CASZ1: variants seen among roughly 807,000 people sequenced by gnomAD.
CASZ1 encodes the protein castor zinc finger 1, also known as zinc finger protein castor homolog 1.
In CASZ1, 28 loss-of-function variants were observed where a neutral mutation model predicts 135.2. The observed-to-expected ratio is 0.21, with a 90% CI of 0.15 to 0.28. The LOEUF is 0.28. Ranked by LOEUF, CASZ1 falls within the 10% of genes least tolerant of loss-of-function variation. CASZ1 has a pLI of 1.00. For synonymous variants in CASZ1, 1,068 were observed against 1,073.4 expected (o/e 0.99, Z 0.10); for missense variants, 2,161 against 2,453.3 (o/e 0.88, Z 2.52).
At chr1:10,675,792 A>ACCCCCCCCCCCCCCCCCCC (rs373360825) in intron 4 of CASZ1, among the ~76,000 whole-genome samples, 1 of 106,492 alleles carries the variant, frequency 9.4e-6, no homozygotes, top group Non-Finnish European at 2.1e-5. Context: ...CTAGCACATG[A>ACCCCCCCCCCCCCCCCCCC]CCCCCCCCCC....
intron 4 of CASZ1, among the ~76,000 whole-genome samples, chr1:10,691,116 T>A (rs1461728987): frequency 6.7e-5 from 10 of 150,362 alleles, no homozygotes; most frequent in East Asian, 1.9e-4. Context: ...CTTTTTTTTT[T>A]ATTAGCATTT....
At position 10,709,341 on chromosome 1, in the gene CASZ1, C is replaced by T. The variant is rs1639237946; in HGVS notation, c.-76-3797G>A. Reference sequence around the variant, plus strand: ...TCCTCACGCACAGCCTCTCCCTGGCCAGCCCTTTCACAGGGGCTGGGGCCA... The same window carrying T: ...TCCTCACGCACAGCCTCTCCCTGGCTAGCCCTTTCACAGGGGCTGGGGCCA... On this transcript the variant is annotated intron_variant, in intron 2 of 20. Coordinates refer to ENST00000377022, the MANE Select transcript of CASZ1 (RefSeq NM_001079843.3). This position sits in a 1 kb window ranked among gnomAD's most constrained non-coding sequence, Gnocchi z 5.1. Among the ~76,000 whole-genome samples the T allele has an allele frequency of 6.6e-6, 1 of 152,148 alleles. No individual in the cohort carries two copies. Among genetic ancestry groups the T allele is most frequent in the African/African-American group, 2.4e-5 (1 of 41,434 alleles).
At chr1:10,681,369 T>C (rs474404) in intron 4 of CASZ1, among the ~76,000 whole-genome samples, 66,331 of 151,886 alleles carry the variant, frequency 0.44, 15,267 homozygotes, top group Non-Finnish European at 0.48. Flanking sequence ...CTACTCCACC[T>C]GCCAGCCAGC....
intron 1 of CASZ1, among the ~76,000 whole-genome samples, chr1:10,775,904 A>C (rs902973496): frequency 1.3e-5 from 2 of 152,006 alleles, no homozygotes; most frequent in Non-Finnish European, 2.9e-5. Flanking sequence ...GTCCCACCCA[A>C]TCAGGCCCCC....
At chr1:10,723,666 G>T (rs1168155026) in intron 2 of CASZ1, among the ~76,000 whole-genome samples, 1 of 152,208 alleles carries the variant, frequency 6.6e-6, no homozygotes, top group Non-Finnish European at 1.5e-5. Context: ...ACCCTCCAGG[G>T]CATCAAATCA....
Position 10,776,027 on chromosome 1 carries a change from C to T in CASZ1, c.-233-15170G>A, listed in dbSNP as rs1412306574. 6.6e-6 allele frequency among the ~76,000 whole-genome samples: 1 copy of T among 152,250 alleles called. No homozygotes were observed. Among genetic ancestry groups the T allele is most frequent in the Non-Finnish European group, 1.5e-5 (1 of 68,046 alleles). On this transcript the variant is annotated intron_variant, in intron 1 of 20. Transcript: ENST00000377022. This position sits in a 1 kb window ranked among gnomAD's most constrained non-coding sequence, Gnocchi z 4.1. Reference sequence around the variant, plus strand: ...CCCAAGTCCCCATCAGTGGGGTCTGCTCGGTCCCTGTAGCTAATTTACACC... The same window carrying T: ...CCCAAGTCCCCATCAGTGGGGTCTGTTCGGTCCCTGTAGCTAATTTACACC...
Position 10,657,717 on chromosome 1 carries a change from G to C in CASZ1, c.1409+791C>G, listed in dbSNP as rs910019007. Among the ~76,000 whole-genome samples the C allele has an allele frequency of 1.3e-5, 2 of 151,338 alleles. No homozygotes were observed. The highest frequency in any genetic ancestry group is 2.9e-5 in the Non-Finnish European group (2 of 67,878). Reference sequence around the variant, plus strand: ...GGACGTGGAGGCGGAGAGACAGAGCGGGCGGGAGGAACCTGGAAGATCTGC... The same window carrying C: ...GGACGTGGAGGCGGAGAGACAGAGCCGGCGGGAGGAACCTGGAAGATCTGC... On this transcript the variant is annotated intron_variant, in intron 7 of 20. Coordinates refer to ENST00000377022, the MANE Select transcript of CASZ1 (RefSeq NM_001079843.3). This position sits in a 1 kb window ranked among gnomAD's most constrained non-coding sequence, Gnocchi z 5.7.
In CASZ1 at chr1:10,694,847, C is replaced by T. The variant is rs939191246; in HGVS notation, c.-23-935G>A. Among the ~76,000 whole-genome samples, 1 of 143,462 alleles carries T rather than the reference C, an allele frequency of 7.0e-6. No homozygotes were observed. Among genetic ancestry groups the T allele is most frequent in the African/African-American group, 2.5e-5 (1 of 40,014 alleles). 94.1% of individuals were successfully genotyped at this position (143,462 alleles called of 152,430 possible). On this transcript the variant is annotated intron_variant, in intron 3 of 20. Transcript: ENST00000377022. This position sits in a 1 kb window ranked among gnomAD's most constrained non-coding sequence, Gnocchi z 6.6. ...CCCGGCGCGGGGCGGGGAACGCGGC[C>T]CGAGTAAGGCGCCCGCGGGCACGCG...
At position 10,700,847 on chromosome 1, in the gene CASZ1, G is replaced by A; in HGVS notation, c.-24+4645C>T. Among the ~76,000 whole-genome samples the A allele has an allele frequency of 6.6e-6, 1 of 152,194 alleles. No homozygotes were observed. Among genetic ancestry groups the A allele is most frequent in the South Asian group, 2.1e-4 (1 of 4,830 alleles). The stretch of plus-strand genomic sequence containing the variant: ...ATAGTGGTGATGATGGTACAACCTT[G>A]TGAATATCCTAAAAACCACTGAATT... On this transcript the variant is annotated intron_variant, in intron 3 of 20. Coordinates refer to ENST00000377022, the MANE Select transcript of CASZ1 (RefSeq NM_001079843.3). The surrounding 1 kb of genome is among the most constrained non-coding windows in gnomAD (Gnocchi z 4.2).
chr1:10,681,149 C>T (rs940403153), intron 4 of CASZ1, among the ~76,000 whole-genome samples: 1 of 152,182 alleles, frequency 6.6e-6, no homozygotes, highest in African/African-American at 2.4e-5. Flanking sequence ...GATCTGCCCG[C>T]CTTGGCCTCC....
intron 4 of CASZ1, among the ~76,000 whole-genome samples, chr1:10,675,445 T>A (rs1247171914): frequency 6.6e-6 from 1 of 151,992 alleles, no homozygotes; most frequent in Non-Finnish European, 1.5e-5. Flanking sequence ...GGCGGGGTGG[T>A]CTGGCATGGG....
chr1:10,661,915 ACT>A (rs574301075), intron 5 of CASZ1, among the ~76,000 whole-genome samples: 126 of 151,206 alleles, frequency 8.3e-4, no homozygotes, highest in African/African-American at 2.9e-3. Flanking sequence ...ATTCTCATAC[ACT>A]CTCACACACC....
At chr1:10,787,653 G>T (rs569674589) in intron 1 of CASZ1, among the ~76,000 whole-genome samples, 3 of 151,598 alleles carry the variant, frequency 2.0e-5, no homozygotes, top group Admixed American at 1.3e-4. Flanking sequence ...ACGATCACCC[G>T]CACACACACA....
chr1:10,686,360 C>T (rs1401469491), intron 4 of CASZ1, among the ~76,000 whole-genome samples: 3 of 152,244 alleles, frequency 2.0e-5, no homozygotes, highest in African/African-American at 7.2e-5. Context: ...CAAGGGAGCA[C>T]GAGGTGGGGC....
At chr1:10,748,786 T>C (rs1406257416) in intron 2 of CASZ1, among the ~76,000 whole-genome samples, 1 of 152,168 alleles carries the variant, frequency 6.6e-6, no homozygotes, top group Non-Finnish European at 1.5e-5. Context: ...CCACAGTGTC[T>C]CCAATTCCCA....
rs1642942914 is a variant in CASZ1 at position 10,659,708 on chromosome 1, G to A, written c.1334C>T (p.Thr445Ile). ...GGGGTGGGGAGCGCCTTACTTGACA[G>A]TGGAGACGGTCCCCGTGGTGATGGA... The part of the protein sequence containing the change: ...TDSITTGTVS[T>I]VKNGLPTDKP... The change falls in exon 6 of 21, where the codon ACT (threonine) becomes ATT (isoleucine). Residue 445 changes from threonine to isoleucine, a missense_variant. By Grantham distance (89) the Thr-to-Ile change is moderately conservative (BLOSUM62 -1). This residue lies in a region of CASZ1 where 248 missense variants were observed against 410.8 expected (regional missense o/e 0.60). Transcript: ENST00000377022. 1.2e-6 allele frequency: 2 copies of A among 1,612,982 alleles called. No individual in the cohort carries two copies. The highest frequency in any genetic ancestry group is 1.7e-6 in the Non-Finnish European group (2 of 1,178,926).
chr1:10,654,512 A>T lies in CASZ1; in HGVS notation c.1745T>A (p.Ile582Asn). Residue 582 changes from isoleucine to asparagine, a missense_variant, in exon 10 of 21, where the codon ATT becomes AAT. By Grantham distance (149) the Ile-to-Asn change is moderately radical (BLOSUM62 -3). Transcript: ENST00000377022. ...ENFHKKNTQLINDGFQRFRAT... is the reference protein window; with the variant it reads ...ENFHKKNTQLNNDGFQRFRAT... The stretch of plus-strand genomic sequence containing the variant: ...TCGGAAGCGCTGGAAGCCGTCGTTA[A>T]TGAGCTGGGTATTCTTCTTGTGGAA... The T allele has an allele frequency of 6.2e-7, 1 of 1,614,228 alleles. No homozygotes were observed. The highest frequency in any genetic ancestry group is 8.5e-7 in the Non-Finnish European group (1 of 1,180,034).
chr1:10,698,656 C>T (rs1466889607), intron 3 of CASZ1, among the ~76,000 whole-genome samples: 2 of 152,196 alleles, frequency 1.3e-5, no homozygotes, highest in African/African-American at 4.8e-5. Context: ...CCTACTTGTC[C>T]AGCTGGGGAT....
chr1:10,734,838 A>G (rs608020), intron 2 of CASZ1, among the ~76,000 whole-genome samples: 150,633 of 152,228 alleles, frequency 0.99, 74,537 homozygotes, highest in East Asian at 1. Context: ...GGCCCTTTAC[A>G]CCTGCCCTGG....
Sources: gnomAD v4.1 joint callset for allele counts (sites outside exome capture counted in the v4.1 genomes callset) on GRCh38, gnomAD v4.1.1 for gene constraint, gnomAD v4.1.1 regional missense constraint, Gnocchi (gnomAD v3.1) non-coding constraint, MANE v1.5 for transcripts, NCBI Gene and HGNC (gene_info 2026-07-23, HGNC 2026-07-21) for gene names.